ZNF791: variants seen among roughly 807,000 people sequenced by gnomAD.
ZNF791 encodes the protein zinc finger protein 791.
Under a neutral mutation model 11.5 loss-of-function variants are expected in ZNF791, and 4 were observed. The observed-to-expected ratio is 0.35, with a 90% CI of 0.17 to 0.80. The LOEUF (loss-of-function observed/expected upper bound fraction) is 0.80, where lower values mean the gene tolerates loss of function less well. Among genes scored for constraint, ZNF791 ranks in the 30% least tolerant of loss-of-function variants. The pLI is 0.53. For missense variants in ZNF791, 559 were observed against 699.4 expected (o/e 0.80, Z 2.26); for synonymous variants, 212 against 228.1 (o/e 0.93, Z 0.64).
At chr19:12,619,201 A>G (rs963735038) in intron 1 of ZNF791, among the ~76,000 whole-genome samples, 8 of 151,930 alleles carry the variant, frequency 5.3e-5, no homozygotes, top group Admixed American at 3.3e-4. Flanking sequence ...ATCCGTTCCA[A>G]TGGTTGTGGT....
intron 1 of ZNF791, among the ~76,000 whole-genome samples, chr19:12,619,451 TTTTTTTTTTTTTTTTTG>T (rs2023299478): frequency 4.9e-5 from 7 of 142,344 alleles, no homozygotes; most frequent in Non-Finnish European, 1.1e-4. Context: ...TATCTTTTTT[TTTTTTTTTTTTTTTTTG>T]AGACGGAGTC....
rs545411354 is a variant in ZNF791, at chr19:12,631,935, A to G, written c.*2675A>G. The G allele has an allele frequency of 3.3e-5, 5 of 151,574 alleles. No homozygotes were observed. The highest frequency in any genetic ancestry group is 1.2e-4 in the African/African-American group (5 of 41,288). 9.4% of individuals were successfully genotyped at this position (151,574 alleles called of 1,614,324 possible). ...TAGTAAAACTTTTCTCTTTCTCTTG[A>G]TGTCTTGATTCATGAGTAAACTGAA... On this transcript the variant is annotated 3_prime_UTR_variant, in exon 4 of 4. Transcript: ENST00000343325.
rs1348066424 is a variant in ZNF791, at chr19:12,631,675, T to A, written c.*2415T>A. The A allele has an allele frequency of 6.6e-6, 1 of 152,174 alleles. No individual in the cohort carries two copies. Among genetic ancestry groups the A allele is most frequent in the Non-Finnish European group, 1.5e-5 (1 of 68,034 alleles). The allele number at this position is 152,174 out of a possible 1,614,324, so 9.4% of individuals were successfully genotyped here. A position where few individuals can be genotyped will look rare whatever the true frequency, so the allele number is the denominator to read the frequency against. On this transcript the variant is annotated 3_prime_UTR_variant, in exon 4 of 4. Transcript: ENST00000343325. The stretch of plus-strand genomic sequence containing the variant: ...TGAACCTGGGAGGTGGAGGCTGCAG[T>A]GAGCTGAGATTGTGCCACTACACTC...
At chr19:12,625,522 C>T (rs1316025115) in intron 3 of ZNF791, among the ~76,000 whole-genome samples, 16 of 151,712 alleles carry the variant, frequency 1.1e-4, no homozygotes, top group Admixed American at 9.9e-4. Flanking sequence ...CTGTGCCTCA[C>T]GCTTATAATC....
At chr19:12,624,603 T>C (rs1310286802) in intron 2 of ZNF791, 47 bp from the exon 3 acceptor site, 4 of 1,382,396 alleles carry the variant, frequency 2.9e-6, no homozygotes, top group Non-Finnish European at 4.0e-6. Context: ...ATAATATTTG[T>C]ATAATTTTTA....
At chr19:12,625,430 T>G (rs1292692052) in intron 3 of ZNF791, among the ~76,000 whole-genome samples, 1 of 151,966 alleles carries the variant, frequency 6.6e-6, no homozygotes, top group Non-Finnish European at 1.5e-5. Flanking sequence ...ATTTATTTAT[T>G]ATCAGAAAAT....
At position 12,630,620 on chromosome 19, in the gene ZNF791, T is replaced by A. The variant is rs1225709862; in HGVS notation, c.*1360T>A. 6.6e-6 allele frequency: 1 copy of A among 152,140 alleles called. No homozygotes were observed. The highest frequency in any genetic ancestry group is 1.5e-5 in the Non-Finnish European group (1 of 68,016). 9.4% of individuals were successfully genotyped at this position (152,140 alleles called of 1,614,324 possible). A position where few individuals can be genotyped will look rare whatever the true frequency, so the allele number is the denominator to read the frequency against. On this transcript the variant is annotated 3_prime_UTR_variant, in exon 4 of 4. Transcript: ENST00000343325. ...TAAGGAGATATTCCCGGAAAAACTT[T>A]GTTATGATAGGCGATGACGGCTCCA... is the stretch of plus-strand genomic sequence containing the variant.
rs371871075 is a variant in ZNF791, at chr19:12,611,042, C to T, written c.-38C>T. On this transcript the variant is annotated 5_prime_UTR_variant, in exon 1 of 4. Transcript: ENST00000343325. ...CTGTACCCTGCGCTGGCTCCGTGAACCTTAGGGACAACACCGGGACACCCG... is the reference window on the plus strand; with the variant it reads ...CTGTACCCTGCGCTGGCTCCGTGAATCTTAGGGACAACACCGGGACACCCG... 3.3e-5 allele frequency: 53 copies of T among 1,614,022 alleles called. No homozygotes were observed. Among genetic ancestry groups the T allele is most frequent in the Non-Finnish European group, 4.2e-5 (50 of 1,180,010 alleles).
intron 1 of ZNF791, chr19:12,612,397 T>TCTTG (rs1341645603): frequency 7.0e-6 from 1 of 143,198 alleles, no homozygotes; most frequent in East Asian, 1.9e-4. Flanking sequence ...CTTAAAATTT[T>TCTTG]CTTGCTTCCT....
At chr19:12,622,188 C>T (rs2023360463) in intron 1 of ZNF791, among the ~76,000 whole-genome samples, 1 of 135,074 alleles carries the variant, frequency 7.4e-6, no homozygotes, top group African/African-American at 2.7e-5. Flanking sequence ...ACTCCCTAAT[C>T]TCAAGTAATC....
Position 12,627,878 on chromosome 19 carries a change from A to G in ZNF791, c.349A>G (p.Arg117Gly), listed in dbSNP as rs1298096980. Reference protein sequence around the residue: ...KAFMRLSSLTRHMRSHTGYEL... With the variant: ...KAFMRLSSLTGHMRSHTGYEL... ...CTTCATGCGTCTCTCATCCCTTACTAGACACATGAGGTCTCACACTGGATA... is the reference window on the plus strand; with the variant it reads ...CTTCATGCGTCTCTCATCCCTTACTGGACACATGAGGTCTCACACTGGATA... The change falls in exon 4 of 4, where the codon AGA becomes GGA. Residue 117 changes from arginine (R) to glycine (G), a missense_variant. Transcript: ENST00000343325. 2.5e-6 allele frequency: 4 copies of G among 1,614,098 alleles called. No homozygotes were observed. Among genetic ancestry groups the G allele is most frequent in the East Asian group, 2.2e-5 (1 of 44,896 alleles).
rs1276967584 is a variant in ZNF791 at position 12,630,780 on chromosome 19, G to A, written c.*1520G>A. 1.3e-5 allele frequency: 2 copies of A among 151,936 alleles called. No individual in the cohort carries two copies. The highest frequency in any genetic ancestry group is 2.9e-5 in the Non-Finnish European group (2 of 67,990). The allele number at this position is 151,936 out of a possible 1,614,324, so 9.4% of individuals were successfully genotyped here. A position where few individuals can be genotyped will look rare whatever the true frequency, so the allele number is the denominator to read the frequency against. On this transcript the variant is annotated 3_prime_UTR_variant, in exon 4 of 4. Coordinates refer to ENST00000343325, the MANE Select transcript of ZNF791 (RefSeq NM_153358.3). Reference sequence around the variant, plus strand: ...TCTTAGTTAGTCTTTAACAAAAATAGTTTAAAAAAATTTAATAGAAAAAGC... The same window carrying A: ...TCTTAGTTAGTCTTTAACAAAAATAATTTAAAAAAATTTAATAGAAAAAGC...
intron 3 of ZNF791, among the ~76,000 whole-genome samples, chr19:12,625,575 A>G (rs1365768743): frequency 2.0e-5 from 3 of 151,074 alleles, no homozygotes; most frequent in Admixed American, 6.6e-5. Context: ...ACCAGAGGTC[A>G]GGAGATCAAG....
At chr19:12,623,870 T>TGC in intron 2 of ZNF791, 44 bp downstream of exon 2, 1 of 712,926 alleles carries the variant, frequency 1.4e-6, no homozygotes, top group Non-Finnish European at 2.0e-6. Context: ...TTTTTTTTTT[T>TGC]GGGGGGGGAC....
At chr19:12,622,649 C>CT (rs1372691997) in intron 1 of ZNF791, among the ~76,000 whole-genome samples, 1 of 151,636 alleles carries the variant, frequency 6.6e-6, no homozygotes, top group African/African-American at 2.4e-5. Context: ...AATCCCAGCA[C>CT]TTTGGGTGGC....
In ZNF791 at chr19:12,628,964, T is replaced by A; in HGVS notation, c.1435T>A (p.Cys479Ser). 1 of 1,613,882 alleles carries A rather than the reference T, an allele frequency of 6.2e-7. No homozygotes were observed. Among genetic ancestry groups the A allele is most frequent in the African/African-American group, 1.3e-5 (1 of 74,996 alleles). Residue 479 changes from cysteine to serine, a missense_variant, in exon 4 of 4, where the codon TGT (cysteine) becomes AGT (serine). Physicochemically the swap from Cys to Ser is moderately radical, Grantham distance 112 (BLOSUM62 -1). Transcript: ENST00000343325. Reference protein sequence around the residue: ...ECKQCGKAFSCSSYIRIHKRT... With the variant: ...ECKQCGKAFSSSSYIRIHKRT... ...TAAACAATGTGGAAAAGCCTTTAGTTGTTCTAGTTACATTCGGATACATAA... is the reference window on the plus strand; with the variant it reads ...TAAACAATGTGGAAAAGCCTTTAGTAGTTCTAGTTACATTCGGATACATAA...
At chr19:12,616,318 C>A (rs1356451248) in intron 1 of ZNF791, among the ~76,000 whole-genome samples, 1 of 152,144 alleles carries the variant, frequency 6.6e-6, no homozygotes, top group East Asian at 1.9e-4. Flanking sequence ...TGGAGGCAGG[C>A]ATGGTGGTAC....
At chr19:12,613,063 T>C (rs893223661) in intron 1 of ZNF791, among the ~76,000 whole-genome samples, 3 of 151,988 alleles carry the variant, frequency 2.0e-5, no homozygotes, top group African/African-American at 7.2e-5. Flanking sequence ...TTGACAGCCA[T>C]TCTCCTGCCT....
At chr19:12,613,305 G>A (rs925736907) in intron 1 of ZNF791, among the ~76,000 whole-genome samples, 2 of 151,934 alleles carry the variant, frequency 1.3e-5, no homozygotes, top group African/African-American at 2.4e-5. Flanking sequence ...TTAAGGGCCC[G>A]GCACGGTGGC....
Sources: allele counts gnomAD v4.1 joint callset (sites outside exome capture counted in the v4.1 genomes callset), GRCh38; gene constraint gnomAD v4.1.1; transcripts MANE v1.5; gene names NCBI Gene and HGNC (gene_info 2026-07-23, HGNC 2026-07-21).